SYK: variants seen among roughly 807,000 people sequenced by gnomAD.
SYK encodes the protein tyrosine-protein kinase SYK.
A neutral mutation model predicts 77.8 loss-of-function variants in SYK; 16 were observed. That is an observed-to-expected ratio of 0.21 (90% CI 0.14 to 0.31). The LOEUF (loss-of-function observed/expected upper bound fraction) is 0.31, where lower values mean the gene tolerates loss of function less well. Among genes scored for constraint, SYK ranks in the 10% least tolerant of loss-of-function variants. SYK has a pLI of 1.00. For synonymous variants in SYK, 312 were observed against 308.7 expected (o/e 1.01, Z -0.11); for missense variants, 529 against 814.4 (o/e 0.65, Z 4.26).
intron 1 of SYK, among the ~76,000 whole-genome samples, chr9:90,815,259 C>T (rs1004181182): frequency 6.6e-5 from 10 of 152,144 alleles, no homozygotes; most frequent in African/African-American, 2.2e-4. Flanking sequence ...AGAAATAAGG[C>T]GTTTGTTTCT....
chr9:90,885,959 A>AT (rs1328503958), intron 11 of SYK, among the ~76,000 whole-genome samples: 7 of 152,228 alleles, frequency 4.6e-5, no homozygotes, highest in Non-Finnish European at 8.8e-5. Flanking sequence ...TAAAAGAAAA[A>AT]TAAAGCCTTT....
At chr9:90,868,475 A>G (rs1193718898) in intron 7 of SYK, among the ~76,000 whole-genome samples, 1 of 152,214 alleles carries the variant, frequency 6.6e-6, no homozygotes, top group East Asian at 1.9e-4. Context: ...GCTGACACAT[A>G]GATTAATAGC....
At chr9:90,893,060 C>T (rs1470617350) in intron 13 of SYK, among the ~76,000 whole-genome samples, 1 of 152,220 alleles carries the variant, frequency 6.6e-6, no homozygotes, top group Non-Finnish European at 1.5e-5. Context: ...TGCAGGCTGC[C>T]ACCCCAGGTG....
chr9:90,884,150 T>TGTATATATACACACATACACATAC (rs148870003), intron 11 of SYK, among the ~76,000 whole-genome samples: 15 of 71,434 alleles, frequency 2.1e-4, no homozygotes, highest in African/African-American at 6.7e-4. Flanking sequence ...TATATGTGTG[T>TGTATATATACACACATACACATAC]GTGTATATAT....
intron 6 of SYK, 27 bp from the exon 7 acceptor site, chr9:90,867,104 G>C (rs140018372): frequency 6.2e-7 from 1 of 1,613,088 alleles, no homozygotes; most frequent in Non-Finnish European, 8.5e-7. Context: ...AACATTTACT[G>C]TTCCTCTTTG....
rs1369725481 is a variant in SYK at position 90,898,367 on chromosome 9, CT to C, written c.*2768del. The C allele has an allele frequency of 7.0e-5, 16 of 228,294 alleles. No homozygotes were observed. The highest frequency in any genetic ancestry group is 8.7e-6 in the Non-Finnish European group (1 of 115,030). The allele number at this position is 228,294 out of a possible 1,614,324, so 14.1% of individuals were successfully genotyped here. On this transcript the variant is annotated 3_prime_UTR_variant, in exon 14 of 14. Transcript: ENST00000375754. ...TTGCACTTGGACATCAGTCCAATGA[CT>C]GCAAGTCGGCCTGGATTTTCACTTG...
At chr9:90,851,467 G>C (rs973112962) in intron 3 of SYK, among the ~76,000 whole-genome samples, 1 of 152,156 alleles carries the variant, frequency 6.6e-6, no homozygotes, top group African/African-American at 2.4e-5. Context: ...CCTCACAGCC[G>C]CCTGTGGCAT....
At chr9:90,850,119 T>C (rs2118685836) in intron 3 of SYK, among the ~76,000 whole-genome samples, 1 of 152,348 alleles carries the variant, frequency 6.6e-6, no homozygotes, top group South Asian at 2.1e-4. Context: ...GCAGTAGGTG[T>C]GTTTATTTCC....
chr9:90,817,882 T>TGAGA (rs1171979799), intron 1 of SYK, among the ~76,000 whole-genome samples: 44 of 66,894 alleles, frequency 6.6e-4, no homozygotes, highest in Middle Eastern at 6.0e-3. Flanking sequence ...TGTGTGTGTG[T>TGAGA]GAGAGAGAGA....
At chr9:90,889,918 G>A (rs931158550) in intron 13 of SYK, among the ~76,000 whole-genome samples, 3 of 152,252 alleles carry the variant, frequency 2.0e-5, no homozygotes, top group East Asian at 3.8e-4. Flanking sequence ...CCTTGGGCAC[G>A]TGGCAGCCTA....
At chr9:90,841,829 T>C (rs925380734) in intron 1 of SYK, among the ~76,000 whole-genome samples, 7 of 144,098 alleles carry the variant, frequency 4.9e-5, no homozygotes, top group African/African-American at 1.5e-4. Flanking sequence ...GGTGTGTATG[T>C]AGTTTGTGTG....
Position 90,845,537 on chromosome 9 carries a change from C to G in SYK, c.521C>G (p.Ser174Cys), listed in dbSNP as rs1274384415. Residue 174 changes from serine (S) to cysteine (C), a missense_variant, in exon 3 of 14, where the codon TCT becomes TGT. Transcript: ENST00000375754. ...ATGCCTTGGTTCCATGGAAAAATCT[C>G]TCGGGAAGAATCTGAGCAAATTGTC... ...EKMPWFHGKI[S>C]REESEQIVLI... is the part of the protein sequence containing the mutation. 2 of 1,614,108 alleles carry G rather than the reference C, an allele frequency of 1.2e-6. No homozygotes were observed. Among genetic ancestry groups the G allele is most frequent in the African/African-American group, 1.3e-5 (1 of 74,940 alleles).
At chr9:90,867,004 A>T (rs929629184) in intron 6 of SYK, 127 bp from the exon 7 acceptor site, 7 of 974,568 alleles carry the variant, frequency 7.2e-6, no homozygotes, top group Non-Finnish European at 1.1e-5. Flanking sequence ...GGTCGATCTC[A>T]TTGGCAGGGA....
chr9:90,898,382 G>A lies in SYK; in HGVS notation c.*2782G>A. On this transcript the variant is annotated 3_prime_UTR_variant, in exon 14 of 14. Coordinates refer to ENST00000375754, the MANE Select transcript of SYK (RefSeq NM_003177.7). ...AGTCCAATGACTGCAAGTCGGCCTG[G>A]ATTTTCACTTGCAGAGGCTACAGCT... The A allele has an allele frequency of 4.4e-6, 1 of 228,014 alleles. No homozygotes were observed. The highest frequency in any genetic ancestry group is 2.2e-5 in the African/African-American group (1 of 45,172). The allele number at this position is 228,014 out of a possible 1,614,324, so 14.1% of individuals were successfully genotyped here. A position where few individuals can be genotyped will look rare whatever the true frequency, so the allele number is the denominator to read the frequency against.
chr9:90,819,027 C>A (rs1273051075), intron 1 of SYK, among the ~76,000 whole-genome samples: 2 of 152,152 alleles, frequency 1.3e-5, no homozygotes, highest in Non-Finnish European at 2.9e-5. Context: ...GTTAGAAAAC[C>A]AAATGAATAC....
At position 90,820,588 on chromosome 9, in the gene SYK, G is replaced by A. The variant is rs145071507; in HGVS notation, c.-42+18695G>A. On this transcript the variant is annotated intron_variant, in intron 1 of 13. Coordinates refer to ENST00000375754, the MANE Select transcript of SYK (RefSeq NM_003177.7). ...ACAGCTGGAGCAGCTGGGACACAGG[G>A]CACCAAGTCCCTAGGCTGCACACTG... Among the ~76,000 whole-genome samples the A allele has an allele frequency of 3.8e-3, 580 of 152,282 alleles. 1 individual carries two copies. Among genetic ancestry groups the A allele is most frequent in the Non-Finnish European group, 5.3e-3 (358 of 68,020 alleles).
At position 90,843,882 on chromosome 9, in the gene SYK, C is replaced by T. The variant is rs2118627498; in HGVS notation, c.-17C>T. On this transcript the variant is annotated 5_prime_UTR_variant, in exon 2 of 14. Coordinates refer to ENST00000375754, the MANE Select transcript of SYK (RefSeq NM_003177.7). The stretch of plus-strand genomic sequence containing the variant: ...GGTGGACACCTGCGCAGGTGTGTGC[C>T]CTCCGGCCCCTGAAGCATGGCCAGC... The T allele has an allele frequency of 2.0e-6, 3 of 1,500,940 alleles. No individual in the cohort carries two copies. Among genetic ancestry groups the T allele is most frequent in the Non-Finnish European group, 2.7e-6 (3 of 1,124,604 alleles). The allele number at this position is 1,500,940 out of a possible 1,614,324, so 93.0% of individuals were successfully genotyped here.
intron 13 of SYK, among the ~76,000 whole-genome samples, chr9:90,889,585 G>T (rs1828712862): frequency 6.6e-6 from 1 of 152,204 alleles, no homozygotes; most frequent in Non-Finnish European, 1.5e-5. Context: ...GTGAGTGACA[G>T]GGAAATAATC....
intron 1 of SYK, among the ~76,000 whole-genome samples, chr9:90,822,559 G>A (rs1405112781): frequency 6.6e-6 from 1 of 152,138 alleles, no homozygotes; most frequent in African/African-American, 2.4e-5. Flanking sequence ...TTTCTCATTA[G>A]CAGAGACCGA....
Sources: gnomAD v4.1 joint callset for allele counts (sites outside exome capture counted in the v4.1 genomes callset) on GRCh38, gnomAD v4.1.1 for gene constraint, MANE v1.5 for transcripts, NCBI Gene and HGNC (gene_info 2026-07-23, HGNC 2026-07-21) for gene names.